The following MATN2 variants were observed in gnomAD, a reference collection of about 807,000 sequenced individuals.
MATN2 encodes the protein matrilin 2, also known as matrilin-2.
In MATN2, 69 loss-of-function variants were observed where a neutral mutation model predicts 103.2. The observed-to-expected ratio is 0.67, with a 90% confidence interval of 0.55 to 0.82. MATN2 has a LOEUF of 0.82. MATN2 is among the 40% of genes least tolerant of loss of function. The pLI is 0.00. For synonymous variants in MATN2, 429 were observed against 450.2 expected (o/e 0.95, Z 0.60); for missense variants, 1,023 against 1,211.5 (o/e 0.84, Z 2.31).
chr8:97,960,206 C>G (rs1334346949), intron 4 of MATN2, among the ~76,000 whole-genome samples: 1 of 152,232 alleles, frequency 6.6e-6, no homozygotes, highest in Non-Finnish European at 1.5e-5. Context: ...ATCCTCCCGC[C>G]TTGGCCTCCC....
chr8:97,934,526 C>A (rs1462451763), intron 3 of MATN2, among the ~76,000 whole-genome samples: 1 of 152,214 alleles, frequency 6.6e-6, no homozygotes, highest in African/African-American at 2.4e-5. Context: ...CTTAAACATT[C>A]ATTGAACCTG....
At chr8:97,870,982 A>G (rs958474586) in intron 1 of MATN2, among the ~76,000 whole-genome samples, 1 of 152,202 alleles carries the variant, frequency 6.6e-6, no homozygotes, top group Non-Finnish European at 1.5e-5. Context: ...TTACCAGGAC[A>G]CTGTCTTCTA....
intron 6 of MATN2, among the ~76,000 whole-genome samples, chr8:97,994,003 G>A (rs1812479227): frequency 1.3e-5 from 2 of 149,948 alleles, no homozygotes; most frequent in South Asian, 4.2e-4. Flanking sequence ...CCTAGCAGAA[G>A]AGTCCAGGTA....
intron 14 of MATN2, among the ~76,000 whole-genome samples, chr8:98,029,914 C>G (rs1813946307): frequency 6.6e-6 from 1 of 152,128 alleles, no homozygotes; most frequent in Admixed American, 6.5e-5. Context: ...TGTTCTTTTT[C>G]CTGACTTTAG....
intron 2 of MATN2, among the ~76,000 whole-genome samples, chr8:97,899,724 G>C (rs542195197): frequency 6.1e-4 from 93 of 152,288 alleles, no homozygotes; most frequent in African/African-American, 2.0e-3. Context: ...AGGCCTGGGG[G>C]TGAGGACTTC....
At position 97,941,800 on chromosome 8, in the gene MATN2, G is replaced by A; in HGVS notation, c.736G>A (p.Glu246Lys). Residue 246 changes from glutamate to lysine, a missense_variant, in exon 4 of 19, where the codon GAG (glutamate) becomes AAG (lysine). By Grantham distance (56) the Glu-to-Lys change is moderately conservative (BLOSUM62 1). Transcript: ENST00000254898. ...AGCGGCCCATATGTGCAGCACCCTGGAGCATAACTGTGCCCACTTCTGCAT... is the reference window on the plus strand; with the variant it reads ...AGCGGCCCATATGTGCAGCACCCTGAAGCATAACTGTGCCCACTTCTGCAT... ...LCTAHMCSTL[E>K]HNCAHFCINI... 2 of 1,606,016 alleles carry A rather than the reference G, an allele frequency of 1.2e-6. No individual in the cohort carries two copies. Among genetic ancestry groups the A allele is most frequent in the South Asian group, 1.1e-5 (1 of 89,462 alleles).
intron 5 of MATN2, among the ~76,000 whole-genome samples, chr8:97,964,221 G>A (rs1811408329): frequency 6.6e-6 from 1 of 152,110 alleles, no homozygotes; most frequent in Admixed American, 6.6e-5. Context: ...AGTTAACCAG[G>A]TGGCCTAACC....
intron 10 of MATN2, among the ~76,000 whole-genome samples, chr8:98,009,437 A>C (rs1042063182): frequency 6.6e-6 from 1 of 152,176 alleles, no homozygotes; most frequent in Non-Finnish European, 1.5e-5. Context: ...CTCAGCAGAT[A>C]AGAGTGTCCT....
Position 98,003,672 on chromosome 8 carries a change from T to G in MATN2, c.1216T>G (p.Cys406Gly). 2 of 1,613,810 alleles carry G rather than the reference T, an allele frequency of 1.2e-6. No homozygotes were observed. The highest frequency in any genetic ancestry group is 3.3e-4 in the Middle Eastern group (2 of 6,062). The change falls in exon 8 of 19, where the codon TGT becomes GGT. Residue 406 changes from cysteine (C) to glycine (G), a missense_variant. Transcript: ENST00000254898. ...DKKTCRRINY[C>G]ALNKPGCEHE... Reference sequence around the variant, plus strand: ...CTTCTTCCCCTCAGGGATCAACTACTGTGCACTGAACAAACCGGGCTGTGA... The same window carrying G: ...CTTCTTCCCCTCAGGGATCAACTACGGTGCACTGAACAAACCGGGCTGTGA...
chr8:97,975,895 C>T (rs1811820581), intron 5 of MATN2, among the ~76,000 whole-genome samples: 1 of 152,104 alleles, frequency 6.6e-6, no homozygotes, highest in South Asian at 2.1e-4. Flanking sequence ...TTTTGATGAT[C>T]CCTTGGTTCT....
At chr8:97,869,558 A>C (rs981169125) in intron 1 of MATN2, among the ~76,000 whole-genome samples, 2 of 152,162 alleles carry the variant, frequency 1.3e-5, no homozygotes, top group Non-Finnish European at 1.5e-5. Context: ...GCCGCCCCGG[A>C]GTGCCCCGTG....
intron 2 of MATN2, among the ~76,000 whole-genome samples, chr8:97,904,976 C>T (rs1014992627): frequency 2.0e-5 from 3 of 152,208 alleles, no homozygotes; most frequent in Non-Finnish European, 4.4e-5. Context: ...AGTAGCAGTA[C>T]TGTGTCTCCA....
intron 10 of MATN2, among the ~76,000 whole-genome samples, chr8:98,009,241 T>C (rs10504984): frequency 0.053 from 7,999 of 152,188 alleles, 693 homozygotes; most frequent in African/African-American, 0.18. Flanking sequence ...ATTGAAGACT[T>C]TCTGCCTGTC....
chr8:97,889,459 C>CTTTATATATATATATA (rs1818554246), intron 2 of MATN2, among the ~76,000 whole-genome samples: 1 of 123,366 alleles, frequency 8.1e-6, no homozygotes, highest in Admixed American at 8.6e-5. Flanking sequence ...CTCTCTCTGT[C>CTTTATATATATATATA]TATATATATA....
chr8:97,916,183 C>A (rs1049519967), intron 2 of MATN2, among the ~76,000 whole-genome samples: 1 of 152,004 alleles, frequency 6.6e-6, no homozygotes, highest in Non-Finnish European at 1.5e-5. Flanking sequence ...AATTCTCATG[C>A]CTCAGCGTCC....
chr8:97,964,098 G>A (rs1211192962), intron 5 of MATN2, among the ~76,000 whole-genome samples: 1 of 152,216 alleles, frequency 6.6e-6, no homozygotes, highest in African/African-American at 2.4e-5. Flanking sequence ...TGACTGTGGA[G>A]GTGGCAATGC....
chr8:97,939,548 G>A (rs1320131060), intron 3 of MATN2, among the ~76,000 whole-genome samples: 1 of 152,168 alleles, frequency 6.6e-6, no homozygotes, highest in Non-Finnish European at 1.5e-5. Context: ...GGAGGCTGAG[G>A]CTGAGGCAGG....
chr8:97,958,181 A>C (rs1312387106), intron 4 of MATN2, among the ~76,000 whole-genome samples: 3 of 152,246 alleles, frequency 2.0e-5, no homozygotes, highest in African/African-American at 7.2e-5. Context: ...ATTTGAAATC[A>C]GACAATTATA....
chr8:97,916,138 C>T (rs1405337300), intron 2 of MATN2, among the ~76,000 whole-genome samples: 2 of 151,868 alleles, frequency 1.3e-5, no homozygotes, highest in Non-Finnish European at 2.9e-5. Context: ...GGCGCAATCT[C>T]GGCTCACTGC....
Sources: allele counts gnomAD v4.1 joint callset (sites outside exome capture counted in the v4.1 genomes callset), GRCh38; gene constraint gnomAD v4.1.1; transcripts MANE v1.5; gene names NCBI Gene and HGNC (gene_info 2026-07-23, HGNC 2026-07-21).